OPCML: variants seen among roughly 807,000 people sequenced by gnomAD.
The protein encoded by OPCML is opioid-binding protein/cell adhesion molecule.
A neutral mutation model predicts 37.8 loss-of-function variants in OPCML; 13 were observed. The ratio of observed to expected loss-of-function variants is 0.34; its 90% CI spans 0.22 to 0.55. The LOEUF (loss-of-function observed/expected upper bound fraction) is 0.55, where lower values mean the gene tolerates loss of function less well. OPCML is among the 20% of genes least tolerant of loss of function. OPCML has a pLI of 0.91. For synonymous variants in OPCML, 176 were observed against 168.8 expected (o/e 1.04, Z -0.33); for missense variants, 341 against 435.6 (o/e 0.78, Z 1.93).
At chr11:132,972,003 C>G (rs1483580654) in intron 1 of OPCML, among the ~76,000 whole-genome samples, 1 of 152,184 alleles carries the variant, frequency 6.6e-6, no homozygotes, top group Non-Finnish European at 1.5e-5. Flanking sequence ...TACAGCAGAA[C>G]CATTAACAGG....
At chr11:133,510,321 G>T (rs545044611) in intron 1 of OPCML, among the ~76,000 whole-genome samples, 1 of 152,332 alleles carries the variant, frequency 6.6e-6, no homozygotes, top group East Asian at 1.9e-4. Context: ...AGGGGAAAGT[G>T]CACTGCCCAG....
At chr11:132,538,901 A>T (rs902445617) in intron 3 of OPCML, among the ~76,000 whole-genome samples, 1 of 152,060 alleles carries the variant, frequency 6.6e-6, no homozygotes, top group Non-Finnish European at 1.5e-5. Context: ...TTCCCCATTC[A>T]TCCATATGCT....
intron 1 of OPCML, among the ~76,000 whole-genome samples, chr11:132,960,098 A>G (rs1359880222): frequency 6.6e-6 from 1 of 152,184 alleles, no homozygotes; most frequent in African/African-American, 2.4e-5. Flanking sequence ...TTTAAAATTT[A>G]CTACTCCTAC....
intron 2 of OPCML, among the ~76,000 whole-genome samples, chr11:132,904,408 A>ATTC (rs147199234): frequency 0.1 from 15,856 of 152,230 alleles, 1,070 homozygotes; most frequent in African/African-American, 0.18. Context: ...ATCTCAATTG[A>ATTC]TTTAGATGGA....
At chr11:133,296,617 G>C (rs921440560) in intron 1 of OPCML, among the ~76,000 whole-genome samples, 1 of 152,124 alleles carries the variant, frequency 6.6e-6, no homozygotes, top group Admixed American at 6.5e-5. Context: ...TGTCTTATAC[G>C]ATGCTTCCAA....
At chr11:133,264,530 T>C (rs1941594683) in intron 1 of OPCML, among the ~76,000 whole-genome samples, 1 of 152,180 alleles carries the variant, frequency 6.6e-6, no homozygotes, top group Non-Finnish European at 1.5e-5. Context: ...TCTAGGTCCT[T>C]GTCTGTTCTG....
chr11:132,631,762 T>C (rs1940145827), intron 3 of OPCML, among the ~76,000 whole-genome samples: 1 of 152,064 alleles, frequency 6.6e-6, no homozygotes, highest in South Asian at 2.1e-4. Flanking sequence ...GATCAAAATA[T>C]TATTAAAAAG....
At chr11:132,974,397 G>A (rs907688346) in intron 1 of OPCML, among the ~76,000 whole-genome samples, 4 of 152,050 alleles carry the variant, frequency 2.6e-5, no homozygotes, top group East Asian at 1.9e-4. Flanking sequence ...TATGGTCACC[G>A]AAAAAGCTCA....
At chr11:133,194,711 G>C (rs188771670) in intron 1 of OPCML, among the ~76,000 whole-genome samples, 30 of 152,086 alleles carry the variant, frequency 2.0e-4, no homozygotes, top group Non-Finnish European at 3.8e-4. Context: ...TGAAAATTTC[G>C]TATTGCCTAT....
chr11:132,979,297 CT>C (rs946419299), intron 1 of OPCML, among the ~76,000 whole-genome samples: 1 of 152,352 alleles, frequency 6.6e-6, no homozygotes. Context: ...GAGCCCTCCC[CT>C]GGCCCCCTTT....
At chr11:132,950,530 G>A (rs1388569996) in intron 1 of OPCML, among the ~76,000 whole-genome samples, 1 of 152,184 alleles carries the variant, frequency 6.6e-6, no homozygotes, top group Non-Finnish European at 1.5e-5. Flanking sequence ...CTATGAGACA[G>A]TCAAATGGAG....
chr11:132,486,575 G>A (rs1354197710), intron 4 of OPCML, among the ~76,000 whole-genome samples: 1 of 151,414 alleles, frequency 6.6e-6, no homozygotes, highest in African/African-American at 2.4e-5. Context: ...CCTGCAGTAA[G>A]GAACATATTT....
At chr11:132,831,047 C>A (rs1940654122) in intron 2 of OPCML, among the ~76,000 whole-genome samples, 1 of 151,700 alleles carries the variant, frequency 6.6e-6, no homozygotes, top group African/African-American at 2.4e-5. Context: ...AACTGAGCTA[C>A]CGTCATACAC....
Position 133,208,835 on chromosome 11 carries a change from G to T in OPCML, c.62-265825C>A, listed in dbSNP as rs117310146. Among the ~76,000 whole-genome samples the T allele has an allele frequency of 2.0e-5, 3 of 152,086 alleles. No homozygotes were observed. Among genetic ancestry groups the T allele is most frequent in the Admixed American group, 6.5e-5 (1 of 15,268 alleles). ...TAAGACTTCATTCCCTATAAATCAC[G>T]CTATTCCATGACTACCTATTCTAAC... On this transcript the variant is annotated intron_variant, in intron 1 of 7. Transcript: ENST00000524381. The surrounding 1 kb of genome is among the most constrained non-coding windows in gnomAD (Gnocchi z 8.9).
chr11:132,794,594 T>G (rs547678420), intron 2 of OPCML, among the ~76,000 whole-genome samples: 3 of 152,068 alleles, frequency 2.0e-5, no homozygotes, highest in African/African-American at 7.2e-5. Flanking sequence ...AACCCCCGAA[T>G]CCATCTTGCT....
chr11:133,420,669 G>C (rs7932578), intron 1 of OPCML: 265,745 of 985,052 alleles, frequency 0.27, 45,044 homozygotes, highest in African/African-American at 0.8. Context: ...TTCTAATCAG[G>C]AAGTTGAAAA....
chr11:133,426,477 C>T (rs1040387289), intron 1 of OPCML, among the ~76,000 whole-genome samples: 5 of 152,172 alleles, frequency 3.3e-5, no homozygotes, highest in Admixed American at 6.5e-5. Context: ...CTGGGAGCAA[C>T]TTCTGCGCGT....
At chr11:132,836,857 C>T (rs1012231107) in intron 2 of OPCML, among the ~76,000 whole-genome samples, 15 of 152,016 alleles carry the variant, frequency 9.9e-5, no homozygotes, top group African/African-American at 3.4e-4. Context: ...GAGGTGAAAG[C>T]GCTGGCATCA....
At chr11:133,123,703 A>G (rs1473395476) in intron 1 of OPCML, among the ~76,000 whole-genome samples, 5 of 151,538 alleles carry the variant, frequency 3.3e-5, no homozygotes, top group Non-Finnish European at 7.4e-5. Context: ...CATATGCCAA[A>G]AGGTCACCGC....
Sources: gnomAD v4.1 joint callset for allele counts (sites outside exome capture counted in the v4.1 genomes callset) on GRCh38, gnomAD v4.1.1 for gene constraint, Gnocchi (gnomAD v3.1) non-coding constraint, MANE v1.5 for transcripts, NCBI Gene and HGNC (gene_info 2026-07-23, HGNC 2026-07-21) for gene names.